ADAMTSL3: variants seen among roughly 807,000 people sequenced by gnomAD.
ADAMTSL3 encodes ADAMTS-like protein 3.
A neutral mutation model predicts 201.7 loss-of-function variants in ADAMTSL3; 128 were observed. The observed-to-expected ratio is 0.63, with a 90% confidence interval of 0.55 to 0.73. The LOEUF is 0.73. Among genes scored for constraint, ADAMTSL3 ranks in the 30% least tolerant of loss-of-function variants. The probability of loss-of-function intolerance (pLI) is 0.00; values close to 1 mark genes in which losing one functional copy is unlikely to be tolerated. For synonymous variants in ADAMTSL3, 738 were observed against 748.4 expected (o/e 0.99, Z 0.23); for missense variants, 1,990 against 2,119.6 (o/e 0.94, Z 1.20).
intron 4 of ADAMTSL3, among the ~76,000 whole-genome samples, chr15:83,793,939 A>G (rs536027932): frequency 5.1e-4 from 77 of 152,354 alleles, no homozygotes; most frequent in Non-Finnish European, 9.6e-4. Flanking sequence ...TAGTATCTCT[A>G]TTAAGAACTC....
chr15:83,728,173 C>T (rs2062208847), intron 3 of ADAMTSL3, among the ~76,000 whole-genome samples: 1 of 151,740 alleles, frequency 6.6e-6, no homozygotes, highest in African/African-American at 2.4e-5. Flanking sequence ...TTACGTACAG[C>T]TACCCCTGCT....
At chr15:83,708,957 A>T (rs1182110601) in intron 3 of ADAMTSL3, among the ~76,000 whole-genome samples, 1 of 152,046 alleles carries the variant, frequency 6.6e-6, no homozygotes, top group Non-Finnish European at 1.5e-5. Context: ...AGACCATTAC[A>T]CTCCAAACCC....
At chr15:84,001,987 G>A (rs1425920347) in intron 23 of ADAMTSL3, among the ~76,000 whole-genome samples, 1 of 152,150 alleles carries the variant, frequency 6.6e-6, no homozygotes, top group Non-Finnish European at 1.5e-5. Flanking sequence ...CTTTGGACTT[G>A]TATTTGGATT....
At chr15:83,981,297 G>A (rs1040548064) in intron 20 of ADAMTSL3, among the ~76,000 whole-genome samples, 1 of 152,188 alleles carries the variant, frequency 6.6e-6, no homozygotes, top group Admixed American at 6.5e-5. Context: ...TTTGGGCCTA[G>A]CCCATTAAGA....
At chr15:83,902,246 GTCTA>G (rs1342969053) in intron 15 of ADAMTSL3, among the ~76,000 whole-genome samples, 3 of 152,110 alleles carry the variant, frequency 2.0e-5, no homozygotes, top group Admixed American at 1.3e-4. Context: ...CACCAGAGTA[GTCTA>G]TCTAGGTAGG....
intron 2 of ADAMTSL3, among the ~76,000 whole-genome samples, chr15:83,699,958 T>C (rs1258549689): frequency 6.6e-6 from 1 of 152,232 alleles, no homozygotes; most frequent in Non-Finnish European, 1.5e-5. Context: ...ATGTTAGTTT[T>C]CTTATTTATG....
At chr15:83,746,965 G>C (rs993297493) in intron 3 of ADAMTSL3, among the ~76,000 whole-genome samples, 1 of 152,166 alleles carries the variant, frequency 6.6e-6, no homozygotes, top group African/African-American at 2.4e-5. Flanking sequence ...AATAATATAA[G>C]GCAAAGCTTT....
chr15:83,903,833 G>C (rs1029509042), intron 15 of ADAMTSL3, among the ~76,000 whole-genome samples: 1 of 146,470 alleles, frequency 6.8e-6, no homozygotes, highest in African/African-American at 2.5e-5. Flanking sequence ...CAGGAAAATT[G>C]CTTCATCTCG....
At chr15:83,886,571 C>G (rs2065395389) in intron 10 of ADAMTSL3, among the ~76,000 whole-genome samples, 1 of 152,168 alleles carries the variant, frequency 6.6e-6, no homozygotes, top group Non-Finnish European at 1.5e-5. Flanking sequence ...CTCCCCTAAA[C>G]CTCCTACTAC....
rs556421566 is a variant in ADAMTSL3, at chr15:83,829,901, A to G, written c.601-8188A>G. ...ACTGTGGTCTGAGAGACAGTTTGTT[A>G]TCATTTCTGTTCTTTTACATTTGCT... is the stretch of plus-strand genomic sequence containing the variant. On this transcript the variant is annotated intron_variant, in intron 6 of 29. Transcript: ENST00000286744. Among the ~76,000 whole-genome samples the G allele has an allele frequency of 2.0e-5, 3 of 152,272 alleles. No homozygotes were observed. The South Asian group carries it at 6.2e-4, about 32-fold the overall frequency.
intron 2 of ADAMTSL3, among the ~76,000 whole-genome samples, chr15:83,703,533 A>G (rs1025015372): frequency 2.0e-5 from 3 of 152,092 alleles, no homozygotes; most frequent in African/African-American, 7.2e-5. Context: ...TGTTCTCGTG[A>G]TAGTGAATAA....
At chr15:83,890,959 GAAAT>G (rs2065488456) in intron 11 of ADAMTSL3, 2 of 166,016 alleles carry the variant, frequency 1.2e-5, no homozygotes, top group African/African-American at 4.8e-5. Flanking sequence ...CAAATTCTGT[GAAAT>G]AAAGTGGTTT....
chr15:83,928,250 A>G (rs533372935), intron 17 of ADAMTSL3, among the ~76,000 whole-genome samples: 1 of 152,270 alleles, frequency 6.6e-6, no homozygotes, highest in East Asian at 1.9e-4. Flanking sequence ...CCTGGGCTCA[A>G]GACATCCTCT....
At chr15:83,911,649 GTTGA>G (rs2065937804) in intron 15 of ADAMTSL3, among the ~76,000 whole-genome samples, 1 of 152,196 alleles carries the variant, frequency 6.6e-6, no homozygotes, top group African/African-American at 2.4e-5. Context: ...CATGTTTTGT[GTTGA>G]TTGATGTTTC....
chr15:83,811,821 A>C (rs2063703582), intron 5 of ADAMTSL3, among the ~76,000 whole-genome samples: 1 of 152,200 alleles, frequency 6.6e-6, no homozygotes, highest in Admixed American at 6.5e-5. Flanking sequence ...TGTCATTGCA[A>C]ACTCAGAATT....
chr15:83,733,778 G>C (rs1567107538), intron 3 of ADAMTSL3, among the ~76,000 whole-genome samples: 1 of 152,070 alleles, frequency 6.6e-6, no homozygotes, highest in Admixed American at 6.6e-5. Flanking sequence ...ATAAAATAGG[G>C]GACATGATCC....
rs571123880 is a variant in ADAMTSL3, at chr15:83,970,503, T to C, written c.2510T>C (p.Val837Ala). The change falls in exon 20 of 30, where the codon GTT becomes GCT. Residue 837 changes from valine to alanine, a missense_variant. By Grantham distance (64) the Val-to-Ala change is moderately conservative (BLOSUM62 0). Coordinates refer to ENST00000286744, the MANE Select transcript of ADAMTSL3 (RefSeq NM_207517.3). ...TTTCAGTGTTCTGTCAGTTGTGGTGTTGGAATCCAGAGAAGAAAGCAGGTG... is the reference window on the plus strand; with the variant it reads ...TTTCAGTGTTCTGTCAGTTGTGGTGCTGGAATCCAGAGAAGAAAGCAGGTG... ...DWSKCSVSCG[V>A]GIQRRKQVCQ... The C allele has an allele frequency of 1.9e-6, 3 of 1,614,198 alleles. No homozygotes were observed. Among genetic ancestry groups the C allele is most frequent in the Admixed American group, 1.7e-5 (1 of 60,024 alleles).
At chr15:83,993,248 G>C (rs1247121158) in intron 23 of ADAMTSL3, among the ~76,000 whole-genome samples, 1 of 152,156 alleles carries the variant, frequency 6.6e-6, no homozygotes, top group East Asian at 1.9e-4. Flanking sequence ...TCACTAGCTA[G>C]TATGTAACCA....
At chr15:83,943,125 C>G (rs2066595336) in intron 19 of ADAMTSL3, 43 bp downstream of exon 19, 1 of 1,550,818 alleles carries the variant, frequency 6.4e-7, no homozygotes, top group South Asian at 1.2e-5. Flanking sequence ...TTTTCTGCCC[C>G]TCCTTTGTTT....
Sources: gnomAD v4.1 joint callset for allele counts (sites outside exome capture counted in the v4.1 genomes callset) on GRCh38, gnomAD v4.1.1 for gene constraint, MANE v1.5 for transcripts, NCBI Gene and HGNC (gene_info 2026-07-23, HGNC 2026-07-21) for gene names.